The following MYZAP variants were observed in gnomAD, a reference collection of about 807,000 sequenced individuals.
MYZAP encodes myocardial zonula adherens protein, also known as GRINL1A complex locus upstream.
In MYZAP, 66 loss-of-function variants were observed where a neutral mutation model predicts 69.4. That is an observed-to-expected ratio of 0.95 (90% CI 0.78 to 1.17). The LOEUF is 1.17. MYZAP is among the 50% of genes most tolerant of loss of function. The pLI is 0.00. For synonymous variants in MYZAP, 256 were observed against 205.9 expected, an observed-to-expected ratio of 1.24 and a Z score of -2.09; for missense variants, 611 against 556.2, an observed-to-expected ratio of 1.10 and a Z score of -0.99.
chr15:57,607,361 C>T (rs1341508800), intron 2 of MYZAP, among the ~76,000 whole-genome samples: 1 of 152,066 alleles, frequency 6.6e-6, no homozygotes, highest in African/African-American at 2.4e-5. Flanking sequence ...GAAGGAGCCT[C>T]GTGTGTTTAG....
At chr15:57,632,345 T>A in intron 6 of MYZAP, 89 bp from the exon 7 acceptor site, 1 of 1,581,838 alleles carries the variant, frequency 6.3e-7, no homozygotes, top group African/African-American at 1.3e-5. Flanking sequence ...TCACTACCTC[T>A]GTGAGTCCCC....
intron 10 of MYZAP, chr15:57,647,608 C>G: frequency 1.0e-6 from 1 of 985,408 alleles, no homozygotes; most frequent in Non-Finnish European, 1.2e-6. Context: ...TTTCTTTTCT[C>G]TTTTGGGCTA....
chr15:57,665,780 G>GAA (rs1416324854), intron 11 of MYZAP, among the ~76,000 whole-genome samples: 1 of 152,204 alleles, frequency 6.6e-6, no homozygotes, highest in East Asian at 1.9e-4. Context: ...TGACACCACA[G>GAA]AAATTGACAT....
At position 57,601,274 on chromosome 15, in the gene MYZAP, TTGTG is replaced by T. The variant is rs10679285; in HGVS notation, c.76-2972_76-2969del. ...GGCATATATGTACGTGTGTGCACAC[TTGTG>T]TGTGTGTGTGTGTGTGTGTGTGATG... On this transcript the variant is annotated intron_variant, in intron 1 of 12. Coordinates refer to ENST00000267853, the MANE Select transcript of MYZAP (RefSeq NM_001018100.5). Among the ~76,000 whole-genome samples the T allele has an allele frequency of 6.9e-4, 103 of 148,338 alleles. 2 individuals are homozygous for T. Among genetic ancestry groups the T allele is most frequent in the Admixed American group, 3.4e-4 (5 of 14,912 alleles).
chr15:57,604,222 C>T, intron 1 of MYZAP, 47 bp from the exon 2 acceptor site: 1 of 1,599,662 alleles, frequency 6.3e-7, no homozygotes, highest in Non-Finnish European at 8.5e-7. Context: ...GCTCTTTCTG[C>T]CCCAAATGCT....
intron 2 of MYZAP, among the ~76,000 whole-genome samples, chr15:57,612,483 C>T (rs1326241148): frequency 6.6e-6 from 1 of 152,184 alleles, no homozygotes; most frequent in African/African-American, 2.4e-5. Flanking sequence ...TCCAAATATT[C>T]CATCTTTCTT....
chr15:57,608,227 A>G (rs1430643562), intron 2 of MYZAP, among the ~76,000 whole-genome samples: 1 of 152,134 alleles, frequency 6.6e-6, no homozygotes, highest in Non-Finnish European at 1.5e-5. Flanking sequence ...GAGGTGTTTA[A>G]TATTGCGGGG....
chr15:57,676,420 GTGTATATATATATATGTATA>G (rs1567242123), intron 12 of MYZAP, among the ~76,000 whole-genome samples: 11 of 33,236 alleles, frequency 3.3e-4, no homozygotes, highest in East Asian at 1.3e-3. Flanking sequence ...GTATATATAT[GTGTATATATATATATGTATA>G]TATATATATA....
At chr15:57,601,140 A>G (rs1595850801) in intron 1 of MYZAP, among the ~76,000 whole-genome samples, 2 of 152,120 alleles carry the variant, frequency 1.3e-5, no homozygotes, top group East Asian at 3.9e-4. Context: ...ACTATGTGAC[A>G]CTCTCCCTTT....
At chr15:57,628,384 C>T (rs1178198423) in intron 5 of MYZAP, among the ~76,000 whole-genome samples, 2 of 152,102 alleles carry the variant, frequency 1.3e-5, no homozygotes, top group East Asian at 3.9e-4. Flanking sequence ...ATCCTCATGC[C>T]TCAGCCTCCT....
intron 10 of MYZAP, among the ~76,000 whole-genome samples, chr15:57,648,860 T>G (rs1451128349): frequency 1.3e-5 from 2 of 151,508 alleles, no homozygotes; most frequent in Non-Finnish European, 2.9e-5. Flanking sequence ...TCCCTGATTC[T>G]GTTCCTTTTC....
Position 57,593,873 on chromosome 15 carries a change from C to T in MYZAP, c.75+1764C>T, listed in dbSNP as rs115002240. Among the ~76,000 whole-genome samples, 376 of 152,174 alleles carry T rather than the reference C, an allele frequency of 2.5e-3. 1 individual carries two copies. Among genetic ancestry groups the T allele is most frequent in the African/African-American group, 8.6e-3 (356 of 41,512 alleles). ...GTTACAAGTACTATCTGTGTGTGTG[C>T]TGGGGATTGTGTGTGTGGTGGGAAG... On this transcript the variant is annotated intron_variant, in intron 1 of 12. Transcript: ENST00000267853.
chr15:57,671,645 T>G (rs1252498671), intron 11 of MYZAP, among the ~76,000 whole-genome samples: 1 of 152,186 alleles, frequency 6.6e-6, no homozygotes, highest in African/African-American at 2.4e-5. Context: ...GACTTTTTCC[T>G]TTACCATCTT....
At chr15:57,668,620 G>A (rs747217640) in intron 11 of MYZAP, among the ~76,000 whole-genome samples, 7 of 152,082 alleles carry the variant, frequency 4.6e-5, no homozygotes, top group Admixed American at 3.9e-4. Context: ...CTTGTCAACT[G>A]GTGATGCTGA....
chr15:57,624,303 A>C (rs1026928846), intron 4 of MYZAP, among the ~76,000 whole-genome samples: 3 of 152,208 alleles, frequency 2.0e-5, no homozygotes, highest in Non-Finnish European at 4.4e-5. Flanking sequence ...ATCAGAGTTC[A>C]ATTTATGGCT....
Position 57,632,488 on chromosome 15 carries a change from C to T in MYZAP, c.733C>T (p.Leu245=), listed in dbSNP as rs1428154711. 1.2e-6 allele frequency: 2 copies of T among 1,614,208 alleles called. No homozygotes were observed. The highest frequency in any genetic ancestry group is 2.2e-5 in the South Asian group (2 of 91,082). The change falls in exon 7 of 13, where the codon CTG becomes TTG. Residue 245 remains leucine (L), a synonymous_variant. Coordinates refer to ENST00000267853, the MANE Select transcript of MYZAP (RefSeq NM_001018100.5). ...GGTGATGCGAGAGATGACCAAGAAGCTGTACAGCCAGTATGAGGAGAAGCT... is the reference window on the plus strand; with the variant it reads ...GGTGATGCGAGAGATGACCAAGAAGTTGTACAGCCAGTATGAGGAGAAGCT... ...AEVMREMTKK[L]YSQYEEKLQE...
chr15:57,596,855 G>A (rs1275372950), intron 1 of MYZAP, among the ~76,000 whole-genome samples: 1 of 152,116 alleles, frequency 6.6e-6, no homozygotes, highest in African/African-American at 2.4e-5. Flanking sequence ...TAGGAAGCCT[G>A]CCCTGAAACC....
chr15:57,635,802 AT>A (rs1219855340), intron 8 of MYZAP, among the ~76,000 whole-genome samples: 1 of 152,150 alleles, frequency 6.6e-6, no homozygotes, highest in Non-Finnish European at 1.5e-5. Context: ...TCAGTTTTGG[AT>A]TTTGCTCAAG....
intron 1 of MYZAP, among the ~76,000 whole-genome samples, chr15:57,602,857 A>G (rs1456099216): frequency 6.6e-6 from 1 of 152,112 alleles, no homozygotes; most frequent in Non-Finnish European, 1.5e-5. Context: ...TACCTGTAAA[A>G]CACTTAGAAG....
Sources: gnomAD v4.1 joint callset for allele counts (sites outside exome capture counted in the v4.1 genomes callset) on GRCh38, gnomAD v4.1.1 for gene constraint, MANE v1.5 for transcripts, NCBI Gene and HGNC (gene_info 2026-07-23, HGNC 2026-07-21) for gene names.